The following CCBE1 variants were observed in gnomAD, a reference collection of about 807,000 sequenced individuals.
CCBE1 encodes the protein collagen and calcium binding EGF domains 1.
CCBE1 carries 37 observed loss-of-function variants against 50.0 expected under a neutral mutation model. That is an observed-to-expected ratio of 0.74 (90% CI 0.57 to 0.97). CCBE1 has a LOEUF of 0.97. Among genes scored for constraint, CCBE1 ranks in the 50% least tolerant of loss-of-function variants. The pLI, the probability that CCBE1 is intolerant of heterozygous loss-of-function variation, is 0.00. For missense variants in CCBE1, 538 were observed against 523.8 expected (o/e 1.03, Z -0.26); for synonymous variants, 234 against 203.7 (o/e 1.15, Z -1.27).
chr18:59,677,675 G>A (rs1332139732), intron 2 of CCBE1, among the ~76,000 whole-genome samples: 1 of 150,212 alleles, frequency 6.7e-6, no homozygotes, highest in Non-Finnish European at 1.5e-5. Flanking sequence ...CAGGAGTTGA[G>A]TCTTTTTAAA....
Position 59,658,163 on chromosome 18 carries a change from G to A in CCBE1, c.212+38466C>T, listed in dbSNP as rs576889597. Among the ~76,000 whole-genome samples, 3 of 149,116 alleles carry A rather than the reference G, an allele frequency of 2.0e-5. No individual in the cohort carries two copies. In the East Asian group the frequency reaches 6.0e-4, roughly 30 times the overall value. On this transcript the variant is annotated intron_variant, in intron 2 of 10. Transcript: ENST00000439986. The stretch of plus-strand genomic sequence containing the variant: ...CATATGGCTACTGTGAGGATGAAAT[G>A]AACAAATACATGTAGAGACCATTCA...
intron 2 of CCBE1, among the ~76,000 whole-genome samples, chr18:59,485,894 C>G (rs934586551): frequency 2.7e-5 from 4 of 149,548 alleles, no homozygotes; most frequent in Non-Finnish European, 5.9e-5. Context: ...AGCCACCGTG[C>G]CCGGCCAGAT....
At chr18:59,536,321 T>C (rs1413800682) in intron 2 of CCBE1, among the ~76,000 whole-genome samples, 3 of 152,290 alleles carry the variant, frequency 2.0e-5, no homozygotes, top group African/African-American at 7.2e-5. Flanking sequence ...ACTCAGGCCA[T>C]CTGCATATCA....
At chr18:59,503,722 T>C (rs1370099718) in intron 2 of CCBE1, among the ~76,000 whole-genome samples, 2 of 152,226 alleles carry the variant, frequency 1.3e-5, no homozygotes, top group African/African-American at 4.8e-5. Context: ...ATTAATATAA[T>C]TTCTTGGCTC....
intron 5 of CCBE1, among the ~76,000 whole-genome samples, chr18:59,457,949 C>G (rs181656048): frequency 1.3e-5 from 2 of 152,362 alleles, no homozygotes; most frequent in East Asian, 3.9e-4. Flanking sequence ...GTTGTGCTGA[C>G]TGCAGGAAAT....
intron 2 of CCBE1, among the ~76,000 whole-genome samples, chr18:59,578,871 C>T (rs2851859): frequency 0.088 from 13,330 of 152,206 alleles, 615 homozygotes; most frequent in East Asian, 0.13. Context: ...ATGGGTGCAG[C>T]AAACCACCAT....
intron 2 of CCBE1, among the ~76,000 whole-genome samples, chr18:59,584,483 G>A (rs1172761567): frequency 4.0e-5 from 6 of 151,162 alleles, no homozygotes; most frequent in Admixed American, 3.3e-4. Context: ...ACATGCACCC[G>A]AAAACTTAAA....
In CCBE1 at chr18:59,648,492, C is replaced by A. The variant is rs144975952; in HGVS notation, c.212+48137G>T. On this transcript the variant is annotated intron_variant, in intron 2 of 10. Coordinates refer to ENST00000439986, the MANE Select transcript of CCBE1 (RefSeq NM_133459.4). The stretch of plus-strand genomic sequence containing the variant: ...GGCTGACACGGATGGATCACTTGAG[C>A]GCAGGAGTTCGAGACCAGCCTGGCC... 6.3e-3 allele frequency among the ~76,000 whole-genome samples: 953 copies of A among 152,192 alleles called. 4 individuals are homozygous for A. Among genetic ancestry groups the A allele is most frequent in the African/African-American group, 0.022 (918 of 41,518 alleles).
At chr18:59,453,750 G>T (rs903819996) in intron 6 of CCBE1, among the ~76,000 whole-genome samples, 3 of 152,102 alleles carry the variant, frequency 2.0e-5, no homozygotes, top group Non-Finnish European at 4.4e-5. Flanking sequence ...ACTGGAAGCC[G>T]TTAAACAAAC....
At chr18:59,495,209 T>C (rs1568170460) in intron 2 of CCBE1, among the ~76,000 whole-genome samples, 1 of 152,078 alleles carries the variant, frequency 6.6e-6, no homozygotes, top group African/African-American at 2.4e-5. Context: ...TTTTGACCTA[T>C]ACTTTTTCTC....
chr18:59,684,700 C>A (rs769574126), intron 2 of CCBE1, among the ~76,000 whole-genome samples: 1 of 152,176 alleles, frequency 6.6e-6, no homozygotes, highest in Non-Finnish European at 1.5e-5. Context: ...GCTGTTGTAA[C>A]ACTCAAAAAG....
At chr18:59,507,871 AT>A (rs1231855097) in intron 2 of CCBE1, among the ~76,000 whole-genome samples, 1 of 151,438 alleles carries the variant, frequency 6.6e-6, no homozygotes, top group Non-Finnish European at 1.5e-5. Flanking sequence ...TGTTATGTTA[AT>A]TAGGTTTTTT....
chr18:59,515,808 G>T (rs1484864145), intron 2 of CCBE1, among the ~76,000 whole-genome samples: 2 of 152,110 alleles, frequency 1.3e-5, no homozygotes, highest in African/African-American at 4.8e-5. Context: ...ACTTCAAGAA[G>T]TTAATCTCCC....
At chr18:59,455,094 C>T (rs1230467352) in intron 5 of CCBE1, 143 bp from the exon 6 acceptor site, 5 of 715,834 alleles carry the variant, frequency 7.0e-6, no homozygotes, top group Non-Finnish European at 1.3e-5. Context: ...GATTTTACAG[C>T]TCTCAGGTCC....
At position 59,434,507 on chromosome 18, in the gene CCBE1, C is replaced by G. The variant is rs563683232; in HGVS notation, c.*1401G>C. 10 of 152,344 alleles carry G rather than the reference C, an allele frequency of 6.6e-5. No individual in the cohort carries two copies. In the East Asian group the frequency reaches 1.9e-3, roughly 29 times the overall value. 9.4% of individuals were successfully genotyped at this position (152,344 alleles called of 1,614,324 possible). ...TTCTGGTCTCTTGCTCCTGGTGCTT[C>G]TGAATCCACAGCAAACCTTGGCAGG... is the stretch of plus-strand genomic sequence containing the variant. On this transcript the variant is annotated 3_prime_UTR_variant, in exon 11 of 11. Transcript: ENST00000439986.
At chr18:59,460,628 G>A (rs575585435) in intron 5 of CCBE1, among the ~76,000 whole-genome samples, 2 of 152,246 alleles carry the variant, frequency 1.3e-5, no homozygotes, top group South Asian at 2.1e-4. Flanking sequence ...TTCTTAGATG[G>A]AGGACTAAGA....
intron 2 of CCBE1, among the ~76,000 whole-genome samples, chr18:59,536,100 G>T (rs527244929): frequency 5.3e-5 from 8 of 152,296 alleles, no homozygotes; most frequent in African/African-American, 1.9e-4. Context: ...TTTAACATTT[G>T]TAAAGGTCTG....
intron 7 of CCBE1, among the ~76,000 whole-genome samples, chr18:59,442,676 C>T (rs773573424): frequency 2.6e-5 from 4 of 151,860 alleles, no homozygotes; most frequent in East Asian, 1.9e-4. Context: ...TGCAGTGAGC[C>T]GAGATCATGC....
At chr18:59,621,285 G>A (rs1157166977) in intron 2 of CCBE1, among the ~76,000 whole-genome samples, 1 of 152,190 alleles carries the variant, frequency 6.6e-6, no homozygotes, top group Non-Finnish European at 1.5e-5. Flanking sequence ...AGATGGGCAG[G>A]TGGACAGTTC....
Sources: gnomAD v4.1 joint callset for allele counts (sites outside exome capture counted in the v4.1 genomes callset) on GRCh38, gnomAD v4.1.1 for gene constraint, MANE v1.5 for transcripts, NCBI Gene and HGNC (gene_info 2026-07-23, HGNC 2026-07-21) for gene names.